The following RRP1B variants were observed in gnomAD, a reference collection of about 807,000 sequenced individuals.
RRP1B encodes ribosomal RNA processing 1B.
RRP1B carries 56 observed loss-of-function variants against 80.2 expected under a neutral mutation model. The ratio of observed to expected loss-of-function variants is 0.70; its 90% confidence interval spans 0.56 to 0.87. The LOEUF is 0.87. RRP1B is among the 40% of genes least tolerant of loss of function. The pLI, the probability that RRP1B is intolerant of heterozygous loss-of-function variation, is 0.00. For missense variants in RRP1B, 807 were observed against 939.8 expected (o/e 0.86, Z 1.85); for synonymous variants, 351 against 357.6 (o/e 0.98, Z 0.21).
rs759780239 is a variant in RRP1B, at chr21:43,688,003, T to G, written c.1629T>G (p.Pro543=). ...NGSGLSTPAW[P]PLQQEGPPTG... Reference sequence around the variant, plus strand: ...GTGGCCTGTCCACGCCGGCCTGGCCTCCATTGCAGCAGGAAGGCCCTCCCA... The same window carrying G: ...GTGGCCTGTCCACGCCGGCCTGGCCGCCATTGCAGCAGGAAGGCCCTCCCA... The change falls in exon 13 of 16, where the codon CCT becomes CCG. Residue 543 remains proline (P), a synonymous_variant. Coordinates refer to ENST00000340648, the MANE Select transcript of RRP1B (RefSeq NM_015056.3). The G allele has an allele frequency of 6.2e-7, 1 of 1,612,500 alleles. No homozygotes were observed. The highest frequency in any genetic ancestry group is 8.5e-7 in the Non-Finnish European group (1 of 1,179,554).
intron 8 of RRP1B, among the ~76,000 whole-genome samples, chr21:43,679,726 T>C (rs145741763): frequency 6.6e-6 from 1 of 152,254 alleles, no homozygotes; most frequent in Non-Finnish European, 1.5e-5. Flanking sequence ...CTTTTGCCAG[T>C]ATGGTCGTTT....
intron 1 of RRP1B, among the ~76,000 whole-genome samples, chr21:43,660,564 A>G (rs1054042125): frequency 6.6e-6 from 1 of 152,194 alleles, no homozygotes; most frequent in Admixed American, 6.5e-5. Context: ...CTCCGTCTCA[A>G]AAAGAAAAGA....
chr21:43,663,673 T>C (rs2082967106), intron 1 of RRP1B, among the ~76,000 whole-genome samples: 1 of 152,140 alleles, frequency 6.6e-6, no homozygotes, highest in Non-Finnish European at 1.5e-5. Flanking sequence ...TTATCCTGCC[T>C]CAGCTTCCCA....
At chr21:43,683,524 T>C in intron 9 of RRP1B, 151 bp downstream of exon 9, 1 of 612,660 alleles carries the variant, frequency 1.6e-6, no homozygotes, top group Non-Finnish European at 2.9e-6. Flanking sequence ...TTCTGAAGAA[T>C]AACCTTATTG....
intron 1 of RRP1B, among the ~76,000 whole-genome samples, chr21:43,665,824 G>A (rs1418814943): frequency 1.3e-5 from 2 of 152,208 alleles, no homozygotes; most frequent in Non-Finnish European, 2.9e-5. Flanking sequence ...AGCAGATGCT[G>A]GAGCCATGCT....
chr21:43,694,872 G>C lies in RRP1B; in HGVS notation c.*1489G>C, dbSNP rs2083101428. 6.6e-6 allele frequency: 1 copy of C among 152,240 alleles called. No homozygotes were observed. The highest frequency in any genetic ancestry group is 2.1e-4 in the South Asian group (1 of 4,826). 9.4% of individuals were successfully genotyped at this position (152,240 alleles called of 1,614,324 possible). ...CGGTCTCATTCATTCATGGAGCCAA[G>C]GGTGGGGTTTCACCTGCGAACATCA... On this transcript the variant is annotated 3_prime_UTR_variant, in exon 16 of 16. Coordinates refer to ENST00000340648, the MANE Select transcript of RRP1B (RefSeq NM_015056.3).
chr21:43,687,073 G>A (rs2083066049), intron 12 of RRP1B, 138 bp downstream of exon 12: 2 of 1,009,996 alleles, frequency 2.0e-6, no homozygotes, highest in Admixed American at 5.5e-5. Flanking sequence ...ATGGCTGAGA[G>A]GTAAAGGCGG....
intron 8 of RRP1B, among the ~76,000 whole-genome samples, chr21:43,677,302 G>T (rs1294529926): frequency 1.3e-5 from 2 of 152,190 alleles, no homozygotes; most frequent in Non-Finnish European, 2.9e-5. Flanking sequence ...TGTTTCTGTG[G>T]CTGTCCTTTC....
chr21:43,686,614 C>T lies in RRP1B; in HGVS notation c.1010-190C>T, dbSNP rs957474523. On this transcript the variant is annotated intron_variant, in intron 11 of 15. Transcript: ENST00000340648. ...GAGGGCTTGTGATCCCTTGCCTTGC[C>T]TTGGTTGAGAAATCCACAAAGCTTT... 44 of 612,364 alleles carry T rather than the reference C, an allele frequency of 7.2e-5. 1 individual carries two copies. The highest frequency in any genetic ancestry group is 8.9e-5 in the Non-Finnish European group (33 of 370,436). The allele number at this position is 612,364 out of a possible 1,614,324, so 37.9% of individuals were successfully genotyped here. A position where few individuals can be genotyped will look rare whatever the true frequency, so the allele number is the denominator to read the frequency against.
Position 43,667,838 on chromosome 21 carries a change from A to C in RRP1B, c.131-2046A>C, listed in dbSNP as rs139928499. 3.8e-4 allele frequency among the ~76,000 whole-genome samples: 58 copies of C among 152,330 alleles called. 1 individual carries two copies. Among genetic ancestry groups the C allele is most frequent in the African/African-American group, 1.4e-3 (57 of 41,584 alleles). On this transcript the variant is annotated intron_variant, in intron 1 of 15. Transcript: ENST00000340648. ...GGTACATCTTCTCTCCAACTGTGAA[A>C]GGGAATATACTTTAATAAACTAGTT... is the stretch of plus-strand genomic sequence containing the variant.
intron 4 of RRP1B, among the ~76,000 whole-genome samples, chr21:43,674,307 C>T (rs538636380): frequency 1.3e-5 from 2 of 152,282 alleles, no homozygotes; most frequent in South Asian, 4.1e-4. Context: ...CAGACGCGCA[C>T]CACCATGCTT....
At chr21:43,685,844 C>T (rs1168744378) in intron 11 of RRP1B, 55 bp downstream of exon 11, 4 of 1,560,948 alleles carry the variant, frequency 2.6e-6, no homozygotes, top group East Asian at 2.3e-5. Flanking sequence ...ATGGACCCCA[C>T]TGGGGGCGTT....
At chr21:43,672,165 C>T (rs568437619) in intron 2 of RRP1B, 143 bp from the exon 3 acceptor site, 17 of 683,578 alleles carry the variant, frequency 2.5e-5, no homozygotes, top group Non-Finnish European at 4.0e-5. Context: ...TTCAGATATT[C>T]GGATACATAC....
chr21:43,664,343 A>T (rs2082969947), intron 1 of RRP1B, among the ~76,000 whole-genome samples: 1 of 151,818 alleles, frequency 6.6e-6, no homozygotes, highest in Non-Finnish European at 1.5e-5. Flanking sequence ...AAAAAAAAAA[A>T]AGAAAAAGAA....
rs1406905852 is a variant in RRP1B, at chr21:43,695,028, C to T, written c.*1645C>T. ...CCATGAAAAAAGTAATGAACTTGTG[C>T]TGTTAATCGTCACTGTAATGAGAAG... On this transcript the variant is annotated 3_prime_UTR_variant, in exon 16 of 16. Transcript: ENST00000340648. 2.6e-5 allele frequency: 4 copies of T among 152,176 alleles called. No homozygotes were observed. The highest frequency in any genetic ancestry group is 2.9e-5 in the Non-Finnish European group (2 of 68,040). The allele number at this position is 152,176 out of a possible 1,614,324, so 9.4% of individuals were successfully genotyped here. A position where few individuals can be genotyped will look rare whatever the true frequency, so the allele number is the denominator to read the frequency against.
intron 4 of RRP1B, among the ~76,000 whole-genome samples, chr21:43,674,308 C>T (rs2083012383): frequency 6.6e-6 from 1 of 152,148 alleles, no homozygotes; most frequent in East Asian, 1.9e-4. Context: ...AGACGCGCAC[C>T]ACCATGCTTG....
chr21:43,693,492 G>A lies in RRP1B; in HGVS notation c.*109G>A. ...ATGATTTTGTAAGTTCCCATAAGTT[G>A]TGTGCACGAGGTTCTGAGAGTGCCC... On this transcript the variant is annotated 3_prime_UTR_variant, in exon 16 of 16. Transcript: ENST00000340648. This position sits in a 1 kb window ranked among gnomAD's most constrained non-coding sequence, Gnocchi z 4.1. The A allele has an allele frequency of 8.6e-7, 1 of 1,162,538 alleles. No individual in the cohort carries two copies. The highest frequency in any genetic ancestry group is 1.8e-5 in the South Asian group (1 of 56,142). 72.0% of individuals were successfully genotyped at this position (1,162,538 alleles called of 1,614,324 possible).
chr21:43,669,611 C>G (rs1601752515), intron 1 of RRP1B, among the ~76,000 whole-genome samples: 1 of 152,144 alleles, frequency 6.6e-6, no homozygotes, highest in Non-Finnish European at 1.5e-5. Flanking sequence ...TAAGTGGCCA[C>G]TTTGTTCATG....
chr21:43,684,552 G>C lies in RRP1B; in HGVS notation c.892-1G>C, dbSNP rs763227055. Reference sequence around the variant, plus strand: ...TATGTTTAGTTTCTCTTCCTGCCTAGTTTGACTATAAGGCTGTTGCTGATC... The same window carrying C: ...TATGTTTAGTTTCTCTTCCTGCCTACTTTGACTATAAGGCTGTTGCTGATC... On this transcript the variant is annotated splice_acceptor_variant, in intron 9 of 15. Transcript: ENST00000340648. LOFTEE classifies it high-confidence loss of function. 3 of 1,613,798 alleles carry C rather than the reference G, an allele frequency of 1.9e-6. No homozygotes were observed. The Admixed American group carries it at 5.0e-5, about 27-fold the overall frequency.
Sources: allele counts gnomAD v4.1 joint callset (sites outside exome capture counted in the v4.1 genomes callset), GRCh38; gene constraint gnomAD v4.1.1; non-coding constraint Gnocchi (gnomAD v3.1); transcripts MANE v1.5; gene names NCBI Gene and HGNC (gene_info 2026-07-23, HGNC 2026-07-21).